PKNOX2: variants seen among roughly 807,000 people sequenced by gnomAD.
PKNOX2 encodes the protein PBX/knotted 1 homeobox 2.
A neutral mutation model predicts 53.1 loss-of-function variants in PKNOX2; 14 were observed. The observed-to-expected ratio is 0.26, with a 90% CI of 0.17 to 0.41. PKNOX2 has a LOEUF of 0.41. PKNOX2 is among the 10% of genes least tolerant of loss of function. The probability of loss-of-function intolerance (pLI) is 1.00; values close to 1 mark genes in which losing one functional copy is unlikely to be tolerated. For synonymous variants in PKNOX2, 257 were observed against 242.8 expected (o/e 1.06, Z -0.54); for missense variants, 496 against 602.8 (o/e 0.82, Z 1.85).
intron 10 of PKNOX2, among the ~76,000 whole-genome samples, chr11:125,424,869 T>A (rs142852520): frequency 6.6e-6 from 1 of 152,188 alleles, no homozygotes; most frequent in Non-Finnish European, 1.5e-5. Flanking sequence ...CTCTTTCAAT[T>A]GAAAGATGCT....
rs1379538857 is a variant in PKNOX2 at position 125,240,410 on chromosome 11, G to A, written c.-130+5295G>A. 7 of 152,180 alleles carry A rather than the reference G, an allele frequency of 4.6e-5. No individual in the cohort carries two copies. The South Asian group carries it at 1.5e-3, about 32-fold the overall frequency. 9.4% of individuals were successfully genotyped at this position (152,180 alleles called of 1,614,324 possible). A position where few individuals can be genotyped will look rare whatever the true frequency, so the allele number is the denominator to read the frequency against. On this transcript the variant is annotated intron_variant, in intron 2 of 12. Transcript: ENST00000298282. The surrounding 1 kb of genome is among the most constrained non-coding windows in gnomAD (Gnocchi z 4.3). ...GTGTGACTATGCCTGCAGGAGAGGT[G>A]GCTATTTGGAGTCTTCTCCATAAAC...
chr11:125,211,785 C>A (rs1169146303), intron 1 of PKNOX2, among the ~76,000 whole-genome samples: 1 of 152,026 alleles, frequency 6.6e-6, no homozygotes, highest in African/African-American at 2.4e-5. Context: ...TTGGTGCTGA[C>A]TCCTCTGCTG....
Position 125,370,647 on chromosome 11 carries a change from C to T in PKNOX2, c.227+2662C>T, listed in dbSNP as rs1178986248. Among the ~76,000 whole-genome samples the T allele has an allele frequency of 2.0e-5, 3 of 152,258 alleles. No individual in the cohort carries two copies. The highest frequency in any genetic ancestry group is 4.8e-5 in the African/African-American group (2 of 41,472). On this transcript the variant is annotated intron_variant, in intron 5 of 12. Coordinates refer to ENST00000298282, the MANE Select transcript of PKNOX2 (RefSeq NM_001382323.2). The surrounding 1 kb of genome is among the most constrained non-coding windows in gnomAD (Gnocchi z 4.1). The stretch of plus-strand genomic sequence containing the variant: ...CCCATCTCTCTAGTCCTGCTGCTGC[C>T]TCCTGGCCCGGCAGCCCCAGGGTTG...
At chr11:125,409,382 C>T (rs1039002936) in intron 7 of PKNOX2, among the ~76,000 whole-genome samples, 2 of 152,124 alleles carry the variant, frequency 1.3e-5, no homozygotes, top group African/African-American at 4.8e-5. Flanking sequence ...CCGTGCTGGT[C>T]GGCAGTGTGG....
At chr11:125,366,350 C>T (rs974227232) in intron 4 of PKNOX2, among the ~76,000 whole-genome samples, 13 of 152,158 alleles carry the variant, frequency 8.5e-5, no homozygotes, top group Admixed American at 3.9e-4. Context: ...GCCTAATAAA[C>T]GATACAATCT....
chr11:125,286,588 G>C (rs1946913698), intron 2 of PKNOX2, among the ~76,000 whole-genome samples: 1 of 152,232 alleles, frequency 6.6e-6, no homozygotes, highest in South Asian at 2.1e-4. Flanking sequence ...GGGAGAAGGG[G>C]TGCTGAGCCC....
At chr11:125,400,368 G>A (rs1379550480) in intron 7 of PKNOX2, among the ~76,000 whole-genome samples, 1 of 152,094 alleles carries the variant, frequency 6.6e-6, no homozygotes, top group African/African-American at 2.4e-5. Flanking sequence ...CCATCCCTCA[G>A]CCCACCTGCA....
intron 1 of PKNOX2, among the ~76,000 whole-genome samples, chr11:125,175,251 A>AGAAG (rs1474493178): frequency 3.4e-5 from 2 of 58,784 alleles, no homozygotes; most frequent in Admixed American, 1.3e-4. Flanking sequence ...AAGGAAGGAA[A>AGAAG]GAAGGAAGGA....
chr11:125,282,076 G>A (rs373992096), intron 2 of PKNOX2, among the ~76,000 whole-genome samples: 27 of 152,332 alleles, frequency 1.8e-4, no homozygotes, highest in African/African-American at 6.0e-4. Context: ...TAGCCATGCC[G>A]CTTTTCTTCT....
intron 5 of PKNOX2, 31 bp downstream of exon 5, chr11:125,368,016 C>G (rs1443926700): frequency 6.3e-7 from 1 of 1,596,776 alleles, no homozygotes; most frequent in East Asian, 2.3e-5. Flanking sequence ...GTCTACAGCC[C>G]TCAACCAGCT....
chr11:125,218,414 G>T (rs569614513), intron 1 of PKNOX2, among the ~76,000 whole-genome samples: 12 of 150,338 alleles, frequency 8.0e-5, no homozygotes, highest in African/African-American at 2.2e-4. Flanking sequence ...TGATGGGGGG[G>T]GGACAGGAAC....
At chr11:125,225,564 C>G (rs911736153) in intron 1 of PKNOX2, among the ~76,000 whole-genome samples, 33 of 152,328 alleles carry the variant, frequency 2.2e-4, no homozygotes, top group East Asian at 5.8e-4. Context: ...CCAGCTCCCC[C>G]ACCCACTGCC....
chr11:125,219,108 A>T (rs577688371), intron 1 of PKNOX2, among the ~76,000 whole-genome samples: 12 of 152,268 alleles, frequency 7.9e-5, no homozygotes, highest in African/African-American at 2.6e-4. Context: ...ACCTGTTGGC[A>T]TTCAAACTAC....
chr11:125,349,473 G>C (rs888554200), intron 3 of PKNOX2, among the ~76,000 whole-genome samples: 1 of 152,228 alleles, frequency 6.6e-6, no homozygotes, highest in Non-Finnish European at 1.5e-5. Flanking sequence ...CTGGTAGTCC[G>C]TCTTCTGAAG....
intron 5 of PKNOX2, among the ~76,000 whole-genome samples, chr11:125,371,536 C>T (rs1365478791): frequency 6.6e-6 from 1 of 152,088 alleles, no homozygotes; most frequent in South Asian, 2.1e-4. Flanking sequence ...CTTTCCCTCC[C>T]CCTCCTCCCC....
At chr11:125,404,761 GA>G (rs1954972148) in intron 7 of PKNOX2, among the ~76,000 whole-genome samples, 1 of 152,112 alleles carries the variant, frequency 6.6e-6, no homozygotes, top group Non-Finnish European at 1.5e-5. Flanking sequence ...TTCAGAGAAA[GA>G]CCCCTCTTTC....
At chr11:125,429,148 G>T in intron 11 of PKNOX2, 60 bp downstream of exon 11, 1 of 1,483,458 alleles carries the variant, frequency 6.7e-7, no homozygotes, top group African/African-American at 1.4e-5. Flanking sequence ...CTGGGCAGGG[G>T]AATGCGTAGC....
chr11:125,296,784 C>T (rs534856962), intron 2 of PKNOX2, among the ~76,000 whole-genome samples: 5 of 152,172 alleles, frequency 3.3e-5, no homozygotes, highest in South Asian at 2.1e-4. Context: ...TACAGGTGTG[C>T]GCCACCAAGC....
chr11:125,267,558 G>C (rs1034665368), intron 2 of PKNOX2, among the ~76,000 whole-genome samples: 1 of 152,166 alleles, frequency 6.6e-6, no homozygotes, highest in Admixed American at 6.5e-5. Flanking sequence ...CGCTCTTCTC[G>C]TTTAAAGGGA....
Sources: gnomAD v4.1 joint callset for allele counts (sites outside exome capture counted in the v4.1 genomes callset) on GRCh38, gnomAD v4.1.1 for gene constraint, Gnocchi (gnomAD v3.1) non-coding constraint, MANE v1.5 for transcripts, NCBI Gene and HGNC (gene_info 2026-07-23, HGNC 2026-07-21) for gene names.